The following HPGDS variants were observed in gnomAD, a reference collection of about 807,000 sequenced individuals.
HPGDS encodes the protein GST class-sigma.
HPGDS carries 26 observed loss-of-function variants against 23.1 expected under a neutral mutation model. That is an observed-to-expected ratio of 1.13 (90% CI 0.83 to 1.56). The LOEUF (loss-of-function observed/expected upper bound fraction) is 1.56, where lower values mean the gene tolerates loss of function less well. Ranked by LOEUF, HPGDS falls within the 40% of genes most tolerant of loss-of-function variation. The pLI is 0.00. For synonymous variants in HPGDS, 95 were observed against 77.9 expected, an observed-to-expected ratio of 1.22 and a Z score of -1.16; for missense variants, 268 against 236.4, an observed-to-expected ratio of 1.13 and a Z score of -0.88.
At position 94,318,524 on chromosome 4, in the gene HPGDS, T is replaced by A. The variant is rs556339301; in HGVS notation, c.134-559A>T. Reference sequence around the variant, plus strand: ...GACCATGTTGTTTAATTTCCATATATTTGTATAGTTTCCAAAGGTCTTTTT... The same window carrying A: ...GACCATGTTGTTTAATTTCCATATAATTGTATAGTTTCCAAAGGTCTTTTT... On this transcript the variant is annotated intron_variant, in intron 2 of 5. Coordinates refer to ENST00000295256, the MANE Select transcript of HPGDS (RefSeq NM_014485.3). 6.6e-5 allele frequency among the ~76,000 whole-genome samples: 10 copies of A among 152,278 alleles called. No individual in the cohort carries two copies. The East Asian group carries it at 1.9e-3, about 29-fold the overall frequency.
At chr4:94,340,273 CT>C (rs1721112720) in intron 1 of HPGDS, among the ~76,000 whole-genome samples, 1 of 38,512 alleles carries the variant, frequency 2.6e-5, no homozygotes, top group Non-Finnish European at 5.5e-5. Context: ...TTCTTTCTTT[CT>C]TTCTTTCTTT....
chr4:94,325,847 A>G (rs1010685025), intron 2 of HPGDS, among the ~76,000 whole-genome samples: 3 of 152,140 alleles, frequency 2.0e-5, no homozygotes, highest in African/African-American at 7.2e-5. Flanking sequence ...AAATGCAGAA[A>G]TCACCCATCT....
chr4:94,322,396 C>G (rs1353915779), intron 2 of HPGDS, among the ~76,000 whole-genome samples: 1 of 152,180 alleles, frequency 6.6e-6, no homozygotes, highest in Middle Eastern at 3.4e-3. Context: ...TGGTCCTGGA[C>G]TTTTTTTGGT....
At chr4:94,308,280 C>T (rs11941178) in intron 4 of HPGDS, among the ~76,000 whole-genome samples, 3,773 of 152,136 alleles carry the variant, frequency 0.025, 105 homozygotes, top group African/African-American at 0.075. Flanking sequence ...GCATTTTGGA[C>T]TTCAGACTTT....
intron 2 of HPGDS, among the ~76,000 whole-genome samples, chr4:94,325,614 G>A (rs1246041628): frequency 6.6e-6 from 1 of 152,198 alleles, no homozygotes. Flanking sequence ...ATCTCCTGTT[G>A]TGCCATTTGC....
intron 4 of HPGDS, among the ~76,000 whole-genome samples, chr4:94,302,688 C>T (rs1449593163): frequency 1.3e-5 from 2 of 151,964 alleles, no homozygotes; most frequent in Admixed American, 6.6e-5. Context: ...GGCAGTTCTT[C>T]GTTTCACTAT....
intron 2 of HPGDS, among the ~76,000 whole-genome samples, chr4:94,320,383 G>C (rs946160012): frequency 6.6e-6 from 1 of 152,142 alleles, no homozygotes; most frequent in South Asian, 2.1e-4. Context: ...CACCAACAGT[G>C]TAAAAGTGTT....
intron 3 of HPGDS, among the ~76,000 whole-genome samples, chr4:94,314,323 G>T (rs1318575979): frequency 6.6e-6 from 1 of 152,080 alleles, no homozygotes; most frequent in East Asian, 1.9e-4. Flanking sequence ...TTTTGGTGTG[G>T]ATGTCCTTTC....
chr4:94,310,026 A>G (rs1756229146), intron 3 of HPGDS, among the ~76,000 whole-genome samples: 1 of 152,180 alleles, frequency 6.6e-6, no homozygotes, highest in African/African-American at 2.4e-5. Context: ...GATTCTGGAT[A>G]TTAGCCCTTT....
chr4:94,308,574 A>G (rs1756184520), intron 4 of HPGDS, 60 bp downstream of exon 4: 3 of 831,406 alleles, frequency 3.6e-6, no homozygotes, highest in African/African-American at 1.7e-5. Context: ...AAGGCACCTA[A>G]CACAATGTCT....
chr4:94,340,311 C>CTTTTCTTTTTTTTTTTTTTT (rs1721126934), intron 1 of HPGDS, among the ~76,000 whole-genome samples: 5 of 23,678 alleles, frequency 2.1e-4, no homozygotes, highest in East Asian at 1.4e-3. Context: ...CTTTCTTTCT[C>CTTTTCTTTTTTTTTTTTTTT]TTTTTTTTTT....
chr4:94,322,252 G>T (rs1756527467), intron 2 of HPGDS, among the ~76,000 whole-genome samples: 1 of 152,046 alleles, frequency 6.6e-6, no homozygotes, highest in Non-Finnish European at 1.5e-5. Context: ...GCCAGGCTTT[G>T]GTATCAGGGT....
chr4:94,320,425 T>G (rs1186493240), intron 2 of HPGDS, among the ~76,000 whole-genome samples: 1 of 152,194 alleles, frequency 6.6e-6, no homozygotes. Flanking sequence ...CAGCACCTGT[T>G]GTTTCCTGAC....
rs1244879741 is a variant in HPGDS, at chr4:94,300,784, G to A, written c.436-1140C>T. 2.6e-5 allele frequency among the ~76,000 whole-genome samples: 4 copies of A among 152,058 alleles called. No homozygotes were observed. The East Asian group carries it at 7.7e-4, about 29-fold the overall frequency. On this transcript the variant is annotated intron_variant, in intron 5 of 5. Coordinates refer to ENST00000295256, the MANE Select transcript of HPGDS (RefSeq NM_014485.3). The stretch of plus-strand genomic sequence containing the variant: ...GACATGGTCAGAGAGGACTTTTTAA[G>A]AGGTGACACGTAAGCCCAGGCTTAA...
chr4:94,302,094 T>G, intron 5 of HPGDS, 52 bp downstream of exon 5: 1 of 1,341,252 alleles, frequency 7.5e-7, no homozygotes. Flanking sequence ...TATACTTCTA[T>G]TGGTTTGTCC....
intron 4 of HPGDS, among the ~76,000 whole-genome samples, chr4:94,307,399 T>G (rs550330829): frequency 1.3e-4 from 20 of 152,000 alleles, no homozygotes; most frequent in South Asian, 2.1e-4. Context: ...AGCGAAGCAG[T>G]GTGACTCACA....
intron 3 of HPGDS, among the ~76,000 whole-genome samples, chr4:94,315,173 TGAGACAATC>T (rs879552935): frequency 5.6e-3 from 368 of 65,926 alleles, no homozygotes; most frequent in Non-Finnish European, 9.8e-3. Context: ...CAATCCCCAG[TGAGACAATC>T]CCCGGTACCT....
Position 94,299,318 on chromosome 4 carries a change from T to G in HPGDS, c.*162A>C. On this transcript the variant is annotated 3_prime_UTR_variant, in exon 6 of 6. Transcript: ENST00000295256. Reference sequence around the variant, plus strand: ...AAAGAAAAAGATACTGAAGAAAGATTTGTTTTTATTTTCCTTTTTAAAAAT... The same window carrying G: ...AAAGAAAAAGATACTGAAGAAAGATGTGTTTTTATTTTCCTTTTTAAAAAT... 1 of 582,614 alleles carries G rather than the reference T, an allele frequency of 1.7e-6. No homozygotes were observed. Among genetic ancestry groups the G allele is most frequent in the Non-Finnish European group, 2.9e-6 (1 of 346,988 alleles). 36.1% of individuals were successfully genotyped at this position (582,614 alleles called of 1,614,324 possible).
chr4:94,334,302 T>C (rs917827662), intron 2 of HPGDS, 195 bp downstream of exon 2: 4 of 462,266 alleles, frequency 8.7e-6, no homozygotes, highest in Non-Finnish European at 1.5e-5. Context: ...TTATATTCTC[T>C]TTCTGTAAGT....
Sources: gnomAD v4.1 joint callset for allele counts (sites outside exome capture counted in the v4.1 genomes callset) on GRCh38, gnomAD v4.1.1 for gene constraint, MANE v1.5 for transcripts, NCBI Gene and HGNC (gene_info 2026-07-23, HGNC 2026-07-21) for gene names.